The following KREMEN2 variants were observed in gnomAD, a reference collection of about 807,000 sequenced individuals.
KREMEN2 encodes the protein kringle containing transmembrane protein 2.
A neutral mutation model predicts 49.8 loss-of-function variants in KREMEN2; 43 were observed. The observed-to-expected ratio is 0.86, with a 90% CI of 0.68 to 1.11. KREMEN2 has a LOEUF of 1.11. Among genes scored for constraint, KREMEN2 ranks in the 50% most tolerant of loss-of-function variants. KREMEN2 has a pLI of 0.00. For missense variants in KREMEN2, 686 were observed against 665.7 expected (o/e 1.03, Z -0.34); for synonymous variants, 355 against 304.9 (o/e 1.16, Z -1.71).
chr16:2,964,294 C>T lies in KREMEN2; in HGVS notation c.-227C>T, dbSNP rs1265863512. 9.8e-6 allele frequency: 4 copies of T among 406,110 alleles called. No homozygotes were observed. Among genetic ancestry groups the T allele is most frequent in the African/African-American group, 2.1e-5 (1 of 48,270 alleles). The allele number at this position is 406,110 out of a possible 1,614,324, so 25.2% of individuals were successfully genotyped here. On this transcript the variant is annotated 5_prime_UTR_variant, in exon 1 of 9. Transcript: ENST00000303746. ...CCGGCCAGATTCCCCCCGGAGAGAC[C>T]CGGGTAGGGACAGGGACAGAGAGAC...
rs535567775 is a variant in KREMEN2, at chr16:2,968,276, C to G, written c.*256C>G. 8 of 1,281,422 alleles carry G rather than the reference C, an allele frequency of 6.2e-6. No homozygotes were observed. In the South Asian group the frequency reaches 1.0e-4, roughly 17 times the overall value. 79.4% of individuals were successfully genotyped at this position (1,281,422 alleles called of 1,614,324 possible). ...TCTCTGGTTTCGGAGGTCTTTGAAC[C>G]CCTCTGGGGGTGGTCCTGGACTGCC... On this transcript the variant is annotated 3_prime_UTR_variant, in exon 9 of 9. Transcript: ENST00000303746.
rs750788121 is a variant in KREMEN2 at position 2,967,889 on chromosome 16, T to G, written c.1258T>G (p.Tyr420Asp). 6 of 1,557,976 alleles carry G rather than the reference T, an allele frequency of 3.9e-6. No homozygotes were observed. In the African/African-American group the frequency reaches 8.2e-5, roughly 21 times the overall value. ...CCCCAGGAGAAGCTGGGCTGTGTGG[T>G]ACCAACAGCCCCGAGGGGTGGCCTT... The part of the protein sequence containing the change: ...RGPRRSWAVW[Y>D]QQPRGVALPC... The change falls in exon 9 of 9, where the codon TAC becomes GAC. Residue 420 changes from tyrosine to aspartate, a missense_variant. Coordinates refer to ENST00000303746, the MANE Select transcript of KREMEN2 (RefSeq NM_172229.3).
chr16:2,966,798 G>A lies in KREMEN2; in HGVS notation c.640+3G>A, dbSNP rs2071830520. On this transcript the variant is annotated splice_donor_region_variant and intron_variant, in intron 5 of 8. Coordinates refer to ENST00000303746, the MANE Select transcript of KREMEN2 (RefSeq NM_172229.3). The surrounding 1 kb of genome is among the most constrained non-coding windows in gnomAD (Gnocchi z 8.4). ...TGGGCGGCTGGGCGTCTATGAAGGT[G>A]AGGAGTGGGCGGGGACCAGGGGCCT... The A allele has an allele frequency of 6.2e-7, 1 of 1,610,590 alleles. No individual in the cohort carries two copies. The highest frequency in any genetic ancestry group is 8.5e-7 in the Non-Finnish European group (1 of 1,179,268).
Position 2,966,747 on chromosome 16 carries a change from C to T in KREMEN2, c.592C>T (p.His198Tyr), listed in dbSNP as rs2071829097. Reference protein sequence around the residue: ...ATDCDQICFGHPGQLCGGDGR... With the variant: ...ATDCDQICFGYPGQLCGGDGR... ...CGACTGTGACCAGATCTGTTTCGGC[C>T]ACCCTGGACAGCTGTGTGGCGGCGA... Residue 198 changes from histidine (H) to tyrosine (Y), a missense_variant, in exon 5 of 9, where the codon CAC becomes TAC. Transcript: ENST00000303746. This position sits in a 1 kb window ranked among gnomAD's most constrained non-coding sequence, Gnocchi z 8.4. The T allele has an allele frequency of 6.2e-7, 1 of 1,612,038 alleles. No individual in the cohort carries two copies. The highest frequency in any genetic ancestry group is 1.3e-5 in the African/African-American group (1 of 74,942).
chr16:2,967,820 C>T lies in KREMEN2; in HGVS notation c.1189C>T (p.Leu397=). The change falls in exon 9 of 9, where the codon CTG becomes TTG. Residue 397 remains leucine, a synonymous_variant. Coordinates refer to ENST00000303746, the MANE Select transcript of KREMEN2 (RefSeq NM_172229.3). ...CTGCTCCCTCTCTAGGAGCTGTCTG[C>T]TGGCTCCGGGAAAAGGGCCCCCGGC... ...LRPLRRRSCL[L]APGKGPPALG... 6.5e-7 allele frequency: 1 copy of T among 1,550,224 alleles called. No individual in the cohort carries two copies.
Position 2,967,999 on chromosome 16 carries a change from C to A in KREMEN2, c.1368C>A (p.Arg456=). 1.3e-6 allele frequency: 2 copies of A among 1,567,832 alleles called. No individual in the cohort carries two copies. Among genetic ancestry groups the A allele is most frequent in the Non-Finnish European group, 1.7e-6 (2 of 1,163,068 alleles). The part of the protein sequence containing the change: ...PLSASSQSSL[R]SLISAL ...GTGCCTCCAGCCAGAGCTCCCTGCG[C>A]TCGCTCATCTCCGCTCTCTGACTCT... Residue 456 remains arginine (R), a synonymous_variant, in exon 9 of 9, where the codon CGC becomes CGA. Transcript: ENST00000303746.
At position 2,967,513 on chromosome 16, in the gene KREMEN2, C is replaced by T. The variant is rs1039579186; in HGVS notation, c.1100-13C>T. The T allele has an allele frequency of 3.9e-6, 6 of 1,528,964 alleles. No homozygotes were observed. In the African/African-American group the frequency reaches 6.9e-5, roughly 18 times the overall value. 94.7% of individuals were successfully genotyped at this position (1,528,964 alleles called of 1,614,324 possible). ...CCCTCGCGCCCATCCTCACCGCAGCCGTGTGCCCGCAGCCCGGGTCTTCTC... is the reference window on the plus strand; with the variant it reads ...CCCTCGCGCCCATCCTCACCGCAGCTGTGTGCCCGCAGCCCGGGTCTTCTC... On this transcript the variant is annotated splice_polypyrimidine_tract_variant and intron_variant, in intron 7 of 8. Coordinates refer to ENST00000303746, the MANE Select transcript of KREMEN2 (RefSeq NM_172229.3).
chr16:2,968,350 A>C lies in KREMEN2; in HGVS notation c.*330A>C. ...CAGCAAAAACAGTCAAAAAACCCCC[A>C]CAGATTTTGAATAAAGGATCTACTT... On this transcript the variant is annotated 3_prime_UTR_variant, in exon 9 of 9. Coordinates refer to ENST00000303746, the MANE Select transcript of KREMEN2 (RefSeq NM_172229.3). 6.5e-7 allele frequency: 1 copy of C among 1,535,330 alleles called. No homozygotes were observed. The highest frequency in any genetic ancestry group is 8.7e-7 in the Non-Finnish European group (1 of 1,146,532).
In KREMEN2 at chr16:2,966,594, A is replaced by G. The variant is rs774408765; in HGVS notation, c.487-48A>G. The G allele has an allele frequency of 6.3e-7, 1 of 1,580,316 alleles. No homozygotes were observed. The highest frequency in any genetic ancestry group is 8.6e-7 in the Non-Finnish European group (1 of 1,168,342). On this transcript the variant is annotated intron_variant, in intron 4 of 8. Coordinates refer to ENST00000303746, the MANE Select transcript of KREMEN2 (RefSeq NM_172229.3). This position sits in a 1 kb window ranked among gnomAD's most constrained non-coding sequence, Gnocchi z 8.4. ...CCCGACCCCAGGCCCCCACCACTTC[A>G]CCCCTACCCCAGCCCCTGCCCTGGG... is the stretch of plus-strand genomic sequence containing the variant.
Position 2,967,922 on chromosome 16 carries a change from TC to T in KREMEN2, c.1296del (p.Asp434ThrfsTer14). The T allele has an allele frequency of 6.4e-7, 1 of 1,573,946 alleles. No individual in the cohort carries two copies. The highest frequency in any genetic ancestry group is 8.6e-7 in the Non-Finnish European group (1 of 1,161,258). Reference protein sequence around the residue: ...QQPRGVALPCSPGDPQAEGSA... With the variant: ...QQPRGVALPCXPGDPQAEGSA... ...GCCCCGAGGGGTGGCCTTGCCCTGC[TC>T]CCCCGGGGACCCCCAGGCTGAGGGT... On this transcript the variant is annotated frameshift_variant, in exon 9 of 9. Transcript: ENST00000303746. LOFTEE classifies it high-confidence loss of function.
In KREMEN2 at chr16:2,966,530, C is replaced by T; in HGVS notation, c.486+81C>T. ...CAACTCCCAACACTCGGTTGCCAAA[C>T]CCAGACACCGGTTTCTGAACCTCCA... On this transcript the variant is annotated intron_variant, in intron 4 of 8. Coordinates refer to ENST00000303746, the MANE Select transcript of KREMEN2 (RefSeq NM_172229.3). This position sits in a 1 kb window ranked among gnomAD's most constrained non-coding sequence, Gnocchi z 8.4. The T allele has an allele frequency of 6.3e-6, 10 of 1,590,076 alleles. No homozygotes were observed. Among genetic ancestry groups the T allele is most frequent in the Non-Finnish European group, 8.5e-6 (10 of 1,172,220 alleles).
chr16:2,964,546 T>C lies in KREMEN2; in HGVS notation c.26T>C (p.Phe9Ser), dbSNP rs780226858. 7 of 1,605,562 alleles carry C rather than the reference T, an allele frequency of 4.4e-6. No homozygotes were observed. The South Asian group carries it at 7.8e-5, about 18-fold the overall frequency. The change falls in exon 1 of 9, where the codon TTC becomes TCC. Residue 9 changes from phenylalanine (F) to serine (S), a missense_variant. Coordinates refer to ENST00000303746, the MANE Select transcript of KREMEN2 (RefSeq NM_172229.3). MGTQALQG[F>S]LFLLFLPLLQ... ...ATGGGGACACAAGCCCTGCAGGGCT[T>C]CCTCTTTCTCCTCTTCCTCCCGCTG...
rs890664331 is a variant in KREMEN2 at position 2,966,929 on chromosome 16, G to A, written c.660G>A (p.Gln220=). 5 of 1,550,322 alleles carry A rather than the reference G, an allele frequency of 3.2e-6. No individual in the cohort carries two copies. The highest frequency in any genetic ancestry group is 4.4e-6 in the Non-Finnish European group (5 of 1,145,876). Residue 220 remains glutamine (Q), a synonymous_variant, in exon 6 of 9, where the codon CAG becomes CAA. Coordinates refer to ENST00000303746, the MANE Select transcript of KREMEN2 (RefSeq NM_172229.3). The surrounding 1 kb of genome is among the most constrained non-coding windows in gnomAD (Gnocchi z 8.4). ...GVYEVSVGSC[Q]GNWTAPQGVI... is the part of the protein sequence containing the mutation. ...CCGCAGTGTCGGTGGGCTCCTGCCA[G>A]GGGAACTGGACAGCGCCTCAGGGCG...
chr16:2,967,148 G>T lies in KREMEN2; in HGVS notation c.879G>T (p.Pro293=), dbSNP rs1432554210. 2 of 1,390,030 alleles carry T rather than the reference G, an allele frequency of 1.4e-6. No homozygotes were observed. The highest frequency in any genetic ancestry group is 1.6e-5 in the South Asian group (1 of 61,878). 86.1% of individuals were successfully genotyped at this position (1,390,030 alleles called of 1,614,324 possible). ...CCTTCGATGGCGCCCGCCCACCGCC[G>T]TCCGGGCCGCTGCGCCTGGGCACTG... is the stretch of plus-strand genomic sequence containing the variant. ...LRAFDGARPP[P]SGPLRLGTAA... Residue 293 remains proline (P), a synonymous_variant, in exon 6 of 9, where the codon CCG becomes CCT. Transcript: ENST00000303746.
chr16:2,967,899 C>T lies in KREMEN2; in HGVS notation c.1268C>T (p.Pro423Leu). ...AGCTGGGCTGTGTGGTACCAACAGC[C>T]CCGAGGGGTGGCCTTGCCCTGCTCC... ...RRSWAVWYQQPRGVALPCSPG... is the reference protein window; with the variant it reads ...RRSWAVWYQQLRGVALPCSPG... The change falls in exon 9 of 9, where the codon CCC becomes CTC. Residue 423 changes from proline (P) to leucine (L), a missense_variant. Pro to Leu is a moderately conservative substitution (Grantham distance 98, BLOSUM62 -3). Coordinates refer to ENST00000303746, the MANE Select transcript of KREMEN2 (RefSeq NM_172229.3). 1 of 1,561,422 alleles carries T rather than the reference C, an allele frequency of 6.4e-7. No homozygotes were observed.
rs1248466051 is a variant in KREMEN2 at position 2,966,849 on chromosome 16, C to A, written c.640+54C>A. 9 of 1,582,142 alleles carry A rather than the reference C, an allele frequency of 5.7e-6. No individual in the cohort carries two copies. The highest frequency in any genetic ancestry group is 7.7e-6 in the Non-Finnish European group (9 of 1,165,362). On this transcript the variant is annotated intron_variant, in intron 5 of 8. Transcript: ENST00000303746. The surrounding 1 kb of genome is among the most constrained non-coding windows in gnomAD (Gnocchi z 8.4). ...GGGCGGGCCTCGAGGTGGGGCCTGG[C>A]CGGGCAGGGGAGCCGCCGTGTCCTG... is the stretch of plus-strand genomic sequence containing the variant.
In KREMEN2 at chr16:2,968,255, T is replaced by C; in HGVS notation, c.*235T>C. 9.3e-7 allele frequency: 1 copy of C among 1,073,220 alleles called. No homozygotes were observed. The highest frequency in any genetic ancestry group is 1.4e-6 in the Non-Finnish European group (1 of 738,230). 66.5% of individuals were successfully genotyped at this position (1,073,220 alleles called of 1,614,324 possible). On this transcript the variant is annotated 3_prime_UTR_variant, in exon 9 of 9. Transcript: ENST00000303746. The stretch of plus-strand genomic sequence containing the variant: ...TGGACCTGTATGTGGGGGTGGTCTC[T>C]GGTTTCGGAGGTCTTTGAACCCCTC...
In KREMEN2 at chr16:2,966,412, A is replaced by T. The variant is rs1332121045; in HGVS notation, c.449A>T (p.Gln150Leu). 2 of 1,611,152 alleles carry T rather than the reference A, an allele frequency of 1.2e-6. No homozygotes were observed. The highest frequency in any genetic ancestry group is 4.5e-5 in the East Asian group (2 of 44,884). ...GGCACCTCCACGAAGCTCACGGTCC[A>T]GGTGTGCCTACGCTTCTGCCGCATG... ...PSGTSTKLTV[Q>L]VCLRFCRMKG... The change falls in exon 4 of 9, where the codon CAG becomes CTG. Residue 150 changes from glutamine to leucine, a missense_variant. Gln to Leu is a moderately radical substitution (Grantham distance 113). Transcript: ENST00000303746. This position sits in a 1 kb window ranked among gnomAD's most constrained non-coding sequence, Gnocchi z 8.4.
Position 2,967,391 on chromosome 16 carries a change from G to C in KREMEN2, c.1045G>C (p.Gly349Arg). 7.2e-7 allele frequency: 1 copy of C among 1,393,682 alleles called. No homozygotes were observed. 86.3% of individuals were successfully genotyped at this position (1,393,682 alleles called of 1,614,324 possible). A position where few individuals can be genotyped will look rare whatever the true frequency, so the allele number is the denominator to read the frequency against. Reference protein sequence around the residue: ...SAQTPAAPLDGANVSCSPRPG... With the variant: ...SAQTPAAPLDRANVSCSPRPG... Reference sequence around the variant, plus strand: ...CCAGACCCCCGCGGCGCCCCTCGACGGGGCCAACGTGAGCTGCAGCCCCAG... The same window carrying C: ...CCAGACCCCCGCGGCGCCCCTCGACCGGGCCAACGTGAGCTGCAGCCCCAG... Residue 349 changes from glycine to arginine, a missense_variant, in exon 7 of 9, where the codon GGG (glycine) becomes CGG (arginine). Physicochemically the swap from Gly to Arg is moderately radical, Grantham distance 125 (BLOSUM62 -2). Coordinates refer to ENST00000303746, the MANE Select transcript of KREMEN2 (RefSeq NM_172229.3).
Sources: gnomAD v4.1 joint callset for allele counts on GRCh38, gnomAD v4.1.1 for gene constraint, Gnocchi (gnomAD v3.1) non-coding constraint, MANE v1.5 for transcripts, NCBI Gene and HGNC (gene_info 2026-07-23, HGNC 2026-07-21) for gene names.